FGF12: variants seen among roughly 807,000 people sequenced by gnomAD.
FGF12 encodes fibroblast growth factor 12B.
Under a neutral mutation model 23.6 loss-of-function variants are expected in FGF12, and 14 were observed. That is an observed-to-expected ratio of 0.59 (90% CI 0.39 to 0.93). The LOEUF is 0.93. Among genes scored for constraint, FGF12 ranks in the 40% least tolerant of loss-of-function variants. The pLI, the probability that FGF12 is intolerant of heterozygous loss-of-function variation, is 0.00. For missense variants in FGF12, 175 were observed against 217.8 expected (o/e 0.80, Z 1.24); for synonymous variants, 62 against 77.3 (o/e 0.80, Z 1.04).
At chr3:192,245,767 A>G (rs1711533462) in intron 4 of FGF12, among the ~76,000 whole-genome samples, 1 of 152,194 alleles carries the variant, frequency 6.6e-6, no homozygotes, top group South Asian at 2.1e-4. Flanking sequence ...TAGGAGAAGG[A>G]GGCAGTAACA....
chr3:192,218,096 A>G (rs1718287270), intron 4 of FGF12, among the ~76,000 whole-genome samples: 1 of 152,178 alleles, frequency 6.6e-6, no homozygotes, highest in African/African-American at 2.4e-5. Flanking sequence ...GCCTCCCAAA[A>G]TGCTGGGATT....
intron 2 of FGF12, among the ~76,000 whole-genome samples, chr3:192,490,893 A>G (rs79722118): frequency 0.062 from 9,458 of 152,214 alleles, 1,017 homozygotes; most frequent in African/African-American, 0.22. Context: ...AGTGACTGGA[A>G]GAAGGAACAA....
In FGF12 at chr3:192,514,642, G is replaced by A; in HGVS notation, c.14-154104C>T. The A allele has an allele frequency of 3.1e-6, 3 of 961,610 alleles. No homozygotes were observed. The South Asian group carries it at 1.4e-4, about 46-fold the overall frequency. The allele number at this position is 961,610 out of a possible 1,614,324, so 59.6% of individuals were successfully genotyped here. ...AAGGGGGCATTCTGCAGTGTTTGGG[G>A]GCTGGGGAAAGAACATTTTCTCACC... is the stretch of plus-strand genomic sequence containing the variant. On this transcript the variant is annotated intron_variant, in intron 2 of 5. Coordinates refer to ENST00000445105, the MANE Select transcript of FGF12 (RefSeq NM_004113.6). This position sits in a 1 kb window ranked among gnomAD's most constrained non-coding sequence, Gnocchi z 4.9.
At position 192,426,362 on chromosome 3, in the gene FGF12, C is replaced by A. The variant is rs185567597; in HGVS notation, c.14-65824G>T. On this transcript the variant is annotated intron_variant, in intron 2 of 5. Transcript: ENST00000445105. ...CAGAGGGCTAGGGAGTGATGAGCCTCATAGTATTGTCAGAGGGAAAAATAT... is the reference window on the plus strand; with the variant it reads ...CAGAGGGCTAGGGAGTGATGAGCCTAATAGTATTGTCAGAGGGAAAAATAT... Among the ~76,000 whole-genome samples the A allele has an allele frequency of 5.9e-5, 9 of 152,266 alleles. No homozygotes were observed. The East Asian group carries it at 1.7e-3, about 29-fold the overall frequency.
chr3:192,355,724 A>G (rs1411503840), intron 3 of FGF12, among the ~76,000 whole-genome samples: 1 of 152,200 alleles, frequency 6.6e-6, no homozygotes, highest in Admixed American at 6.5e-5. Flanking sequence ...TTCTATGGCT[A>G]CTATCTTAGT....
chr3:192,638,532 G>C (rs1715667131), intron 2 of FGF12, among the ~76,000 whole-genome samples: 1 of 152,164 alleles, frequency 6.6e-6, no homozygotes, highest in Admixed American at 6.5e-5. Flanking sequence ...TCAAATGCCA[G>C]CTTGTTTCAA....
At chr3:192,149,862 C>T (rs1440699015) in intron 5 of FGF12, among the ~76,000 whole-genome samples, 5 of 85,202 alleles carry the variant, frequency 5.9e-5, no homozygotes, top group Admixed American at 1.2e-4. Context: ...ATGGTATTTC[C>T]AGTTCTAGAT....
intron 5 of FGF12, among the ~76,000 whole-genome samples, chr3:192,154,702 C>T (rs930155584): frequency 5.7e-5 from 8 of 140,916 alleles, no homozygotes; most frequent in South Asian, 2.4e-4. Context: ...CTGGGAGAAC[C>T]ACTGCTCTCT....
At chr3:192,294,871 C>T (rs922892168) in intron 4 of FGF12, among the ~76,000 whole-genome samples, 4 of 152,044 alleles carry the variant, frequency 2.6e-5, no homozygotes, top group Non-Finnish European at 4.4e-5. Context: ...AAGAGGGCTC[C>T]CTTGAGTATA....
chr3:192,682,807 C>A (rs1717580856), intron 2 of FGF12, among the ~76,000 whole-genome samples: 2 of 152,126 alleles, frequency 1.3e-5, no homozygotes, highest in African/African-American at 2.4e-5. Context: ...AGCCATGGGT[C>A]AGAAGGAGAG....
At chr3:192,363,339 T>C (rs1239873652) in intron 2 of FGF12, among the ~76,000 whole-genome samples, 3 of 152,156 alleles carry the variant, frequency 2.0e-5, no homozygotes, top group Non-Finnish European at 4.4e-5. Flanking sequence ...TGTGCTCCTC[T>C]TTCTGTACCT....
intron 2 of FGF12, among the ~76,000 whole-genome samples, chr3:192,413,278 G>A (rs1441318550): frequency 6.6e-6 from 1 of 152,182 alleles, no homozygotes; most frequent in Non-Finnish European, 1.5e-5. Context: ...CAGTTACCGT[G>A]AAATTCCAGA....
At chr3:192,633,476 C>T (rs1055288015) in intron 2 of FGF12, among the ~76,000 whole-genome samples, 5 of 152,098 alleles carry the variant, frequency 3.3e-5, no homozygotes, top group Non-Finnish European at 7.4e-5. Context: ...TGGGAAAACA[C>T]GATTCATCAC....
chr3:192,561,155 C>T (rs537478138), intron 2 of FGF12, among the ~76,000 whole-genome samples: 1 of 152,016 alleles, frequency 6.6e-6, no homozygotes, highest in South Asian at 2.1e-4. Context: ...GCCATATATA[C>T]ACACACACAA....
chr3:192,577,207 A>AAAAT (rs1367449216), intron 2 of FGF12, among the ~76,000 whole-genome samples: 1 of 152,210 alleles, frequency 6.6e-6, no homozygotes, highest in Non-Finnish European at 1.5e-5. Flanking sequence ...AGTGTAATAA[A>AAAAT]AAATAAATAA....
chr3:192,176,965 C>A (rs2108628039), intron 4 of FGF12, among the ~76,000 whole-genome samples: 1 of 152,310 alleles, frequency 6.6e-6, no homozygotes, highest in South Asian at 2.1e-4. Context: ...GTTTGATTTA[C>A]TAATAATGTT....
At chr3:192,519,839 A>G (rs539580703) in intron 2 of FGF12, among the ~76,000 whole-genome samples, 3 of 152,336 alleles carry the variant, frequency 2.0e-5, no homozygotes, top group East Asian at 3.9e-4. Context: ...ATCCAATACT[A>G]TCATTATTTA....
At chr3:192,535,416 C>T (rs1424093900) in intron 2 of FGF12, among the ~76,000 whole-genome samples, 2 of 152,128 alleles carry the variant, frequency 1.3e-5, no homozygotes, top group Admixed American at 6.6e-5. Flanking sequence ...TAGATCAAAA[C>T]ATGCACAGAG....
intron 2 of FGF12, among the ~76,000 whole-genome samples, chr3:192,570,898 C>G (rs182875198): frequency 7.0e-4 from 107 of 152,294 alleles, no homozygotes; most frequent in African/African-American, 2.5e-3. Context: ...GCTGGAAGCT[C>G]ACTTTCTGGC....
Sources: allele counts gnomAD v4.1 joint callset (sites outside exome capture counted in the v4.1 genomes callset), GRCh38; gene constraint gnomAD v4.1.1; non-coding constraint Gnocchi (gnomAD v3.1); transcripts MANE v1.5; gene names NCBI Gene and HGNC (gene_info 2026-07-23, HGNC 2026-07-21).